PEAK1: variants seen among roughly 807,000 people sequenced by gnomAD.
PEAK1 encodes the protein pseudopodium enriched atypical kinase 1, also known as inactive tyrosine-protein kinase PEAK1.
A neutral mutation model predicts 124.7 loss-of-function variants in PEAK1; 54 were observed. The observed-to-expected ratio is 0.43, with a 90% CI of 0.35 to 0.54. The LOEUF is 0.54. Among genes scored for constraint, PEAK1 ranks in the 20% least tolerant of loss-of-function variants. The probability of loss-of-function intolerance (pLI) is 0.01; values close to 1 mark genes in which losing one functional copy is unlikely to be tolerated. For synonymous variants in PEAK1, 719 were observed against 760.0 expected, an observed-to-expected ratio of 0.95 and a Z score of 0.89; for missense variants, 2,046 against 2,134.5, an observed-to-expected ratio of 0.96 and a Z score of 0.82.
rs61732438 is a variant in PEAK1, at chr15:77,114,979, T to C, written c.4418A>G (p.Asp1473Gly). Residue 1473 changes from aspartate (D) to glycine (G), a missense_variant, in exon 10 of 10, where the codon GAT becomes GGT. Asp to Gly is a moderately conservative substitution (Grantham distance 94). Transcript: ENST00000682557. ...TREVPCLTVA[D>G]FVRDSLAQHG... ...CTGGGCCAGAGAGTCTCGCACAAAA[T>C]CAGCCACAGTAAGACATGGAACCTC... The C allele has an allele frequency of 2.7e-5, 43 of 1,613,964 alleles. No homozygotes were observed. The highest frequency in any genetic ancestry group is 3.6e-5 in the Non-Finnish European group (42 of 1,180,028).
intron 5 of PEAK1, among the ~76,000 whole-genome samples, chr15:77,280,957 C>T (rs1390096298): frequency 6.6e-6 from 1 of 151,988 alleles, no homozygotes; most frequent in African/African-American, 2.4e-5. Flanking sequence ...TCAGGAGTTT[C>T]GAGACCAGCC....
At chr15:77,152,621 G>C (rs1199293077) in intron 8 of PEAK1, among the ~76,000 whole-genome samples, 2 of 152,096 alleles carry the variant, frequency 1.3e-5, no homozygotes. Context: ...TATTGGCTGT[G>C]GGTTTGTCAT....
At chr15:77,253,277 G>C (rs2060971283) in intron 5 of PEAK1, among the ~76,000 whole-genome samples, 1 of 148,124 alleles carries the variant, frequency 6.8e-6, no homozygotes. Context: ...CCAATCTCCT[G>C]AGGACACATC....
chr15:77,158,709 A>G lies in PEAK1; in HGVS notation c.3138-13T>C, dbSNP rs767168052. 2 of 1,608,826 alleles carry G rather than the reference A, an allele frequency of 1.2e-6. No homozygotes were observed. The highest frequency in any genetic ancestry group is 2.7e-5 in the African/African-American group (2 of 74,994). ...ATGGGTCATGTGACTGAAACAAATC[A>G]GACCACTTGTCACACTGGTATTGGA... is the stretch of plus-strand genomic sequence containing the variant. On this transcript the variant is annotated splice_polypyrimidine_tract_variant and intron_variant, in intron 7 of 9. Coordinates refer to ENST00000682557, the MANE Select transcript of PEAK1 (RefSeq NM_001385026.1).
intron 7 of PEAK1, among the ~76,000 whole-genome samples, chr15:77,171,618 T>G (rs1440065983): frequency 6.6e-6 from 1 of 152,182 alleles, no homozygotes; most frequent in African/African-American, 2.4e-5. Flanking sequence ...TCTATGGCAC[T>G]GTAGGATGAC....
At position 77,298,064 on chromosome 15, in the gene PEAK1, CAAAAAA is replaced by C. The variant is rs771222323; in HGVS notation, c.-602-11566_-602-11561del. On this transcript the variant is annotated intron_variant, in intron 2 of 9. Coordinates refer to ENST00000682557, the MANE Select transcript of PEAK1 (RefSeq NM_001385026.1). ...TGGGCGACAGGGCGAGACTCCGTCT[CAAAAAA>C]AAAAAAAAAAAAAAAAAAAAGAATG... Among the ~76,000 whole-genome samples, 3 of 31,562 alleles carry C rather than the reference CAAAAAA, an allele frequency of 9.5e-5. No individual in the cohort carries two copies. The East Asian group carries it at 4.7e-3, about 49-fold the overall frequency. 20.7% of individuals were successfully genotyped at this position (31,562 alleles called of 152,430 possible).
rs563162609 is a variant in PEAK1, at chr15:77,202,351, C to T, written c.-114-20311G>A. On this transcript the variant is annotated intron_variant, in intron 6 of 9. Transcript: ENST00000682557. The stretch of plus-strand genomic sequence containing the variant: ...GAACCTAACTACTAATAGCCTGCTG[C>T]TGACCAGAAGCCTTACTCATAACAT... Among the ~76,000 whole-genome samples the T allele has an allele frequency of 3.3e-5, 5 of 152,280 alleles. No homozygotes were observed. The South Asian group carries it at 1.0e-3, about 32-fold the overall frequency.
chr15:77,402,840 C>T, intron 1 of PEAK1: 1 of 985,082 alleles, frequency 1.0e-6, no homozygotes, highest in Non-Finnish European at 1.2e-6. Flanking sequence ...AAAAAAAATG[C>T]CCTAACGAAT....
At chr15:77,340,852 C>G (rs1448535131) in intron 2 of PEAK1, among the ~76,000 whole-genome samples, 1 of 152,108 alleles carries the variant, frequency 6.6e-6, no homozygotes, top group Admixed American at 6.5e-5. Context: ...TGCACTCTGA[C>G]CAACTAGCCA....
At chr15:77,199,996 A>G (rs1206601339) in intron 6 of PEAK1, among the ~76,000 whole-genome samples, 1 of 152,218 alleles carries the variant, frequency 6.6e-6, no homozygotes, top group Non-Finnish European at 1.5e-5. Context: ...AGAGAAATAA[A>G]ATAGCAAAAA....
Position 77,179,911 on chromosome 15 carries a change from G to A in PEAK1, c.2016C>T (p.Ser672=), listed in dbSNP as rs764276957. The change falls in exon 7 of 10, where the codon AGC becomes AGT. Residue 672 remains serine, a synonymous_variant. Transcript: ENST00000682557. The part of the protein sequence containing the change: ...SHTYEEIETE[S]KVPDNTTSKT... ...TGCTAGTGGTGTTATCAGGCACTTTGCTTTCTGTTTCTATTTCTTCATAAG... is the reference window on the plus strand; with the variant it reads ...TGCTAGTGGTGTTATCAGGCACTTTACTTTCTGTTTCTATTTCTTCATAAG... The A allele has an allele frequency of 1.9e-6, 3 of 1,614,102 alleles. No individual in the cohort carries two copies. The highest frequency in any genetic ancestry group is 1.1e-5 in the South Asian group (1 of 91,072).
At chr15:77,137,469 G>A (rs1567015972) in intron 8 of PEAK1, among the ~76,000 whole-genome samples, 1 of 152,220 alleles carries the variant, frequency 6.6e-6, no homozygotes, top group African/African-American at 2.4e-5. Context: ...GGGAACCCAT[G>A]TCTTGCATCA....
intron 5 of PEAK1, among the ~76,000 whole-genome samples, chr15:77,264,912 G>A (rs1738920162): frequency 6.6e-6 from 1 of 152,050 alleles, no homozygotes; most frequent in Non-Finnish European, 1.5e-5. Flanking sequence ...CAGAGATATA[G>A]ATCAATGGAA....
intron 6 of PEAK1, among the ~76,000 whole-genome samples, chr15:77,193,712 G>A (rs1195394696): frequency 3.9e-5 from 6 of 152,284 alleles, no homozygotes; most frequent in African/African-American, 1.4e-4. Flanking sequence ...GCTGAGGTGG[G>A]AGAATTGCTC....
At position 77,260,404 on chromosome 15, in the gene PEAK1, C is replaced by A. The variant is rs116927371; in HGVS notation, c.-274-7878G>T. ...CACAGTAAGAATCAGGGAAATGTGG[C>A]CCATAACCAGAAAAATATCAATCAA... is the stretch of plus-strand genomic sequence containing the variant. On this transcript the variant is annotated intron_variant, in intron 5 of 9. Transcript: ENST00000682557. Among the ~76,000 whole-genome samples the A allele has an allele frequency of 6.6e-3, 1,001 of 151,808 alleles. 9 individuals are homozygous for A. The highest frequency in any genetic ancestry group is 0.011 in the Non-Finnish European group (730 of 67,900).
In PEAK1 at chr15:77,112,690, C is replaced by T. The variant is rs949001740; in HGVS notation, c.*1466G>A. On this transcript the variant is annotated 3_prime_UTR_variant, in exon 10 of 10. Coordinates refer to ENST00000682557, the MANE Select transcript of PEAK1 (RefSeq NM_001385026.1). ...ACACACACACACACACACACACACA[C>T]ACACACACACACACAACCCCAGTGG... The T allele has an allele frequency of 3.3e-5, 5 of 152,110 alleles. No homozygotes were observed. Among genetic ancestry groups the T allele is most frequent in the Non-Finnish European group, 7.3e-5 (5 of 68,134 alleles). 9.4% of individuals were successfully genotyped at this position (152,110 alleles called of 1,614,324 possible). A position where few individuals can be genotyped will look rare whatever the true frequency, so the allele number is the denominator to read the frequency against.
rs1174217179 is a variant in PEAK1 at position 77,298,535 on chromosome 15, C to T, written c.-602-12031G>A. Among the ~76,000 whole-genome samples the T allele has an allele frequency of 3.9e-5, 6 of 152,068 alleles. No individual in the cohort carries two copies. In the South Asian group the frequency reaches 6.2e-4, roughly 16 times the overall value. ...GCCCGGCCGGTATCCTTAATTTCAACTTTGAGGAGACCCAACAACTATCTC... is the reference window on the plus strand; with the variant it reads ...GCCCGGCCGGTATCCTTAATTTCAATTTTGAGGAGACCCAACAACTATCTC... On this transcript the variant is annotated intron_variant, in intron 2 of 9. Transcript: ENST00000682557.
At chr15:77,237,807 A>G (rs542686575) in intron 6 of PEAK1, among the ~76,000 whole-genome samples, 1 of 152,136 alleles carries the variant, frequency 6.6e-6, no homozygotes, top group African/African-American at 2.4e-5. Flanking sequence ...TGATAATGAA[A>G]TATCTCTTCG....
chr15:77,162,203 G>T lies in PEAK1; in HGVS notation c.3138-3507C>A, dbSNP rs374136041. Among the ~76,000 whole-genome samples, 8 of 151,876 alleles carry T rather than the reference G, an allele frequency of 5.3e-5. No individual in the cohort carries two copies. The East Asian group carries it at 1.2e-3, about 22-fold the overall frequency. ...TCATTAGGCACATTAATTTAGTAAG[G>T]GAATTTAAGGCTGGGTGCGGTGGCT... On this transcript the variant is annotated intron_variant, in intron 7 of 9. Transcript: ENST00000682557.
Sources: gnomAD v4.1 joint callset for allele counts (sites outside exome capture counted in the v4.1 genomes callset) on GRCh38, gnomAD v4.1.1 for gene constraint, MANE v1.5 for transcripts, NCBI Gene and HGNC (gene_info 2026-07-23, HGNC 2026-07-21) for gene names.